ZDHHC7: variants seen among roughly 807,000 people sequenced by gnomAD.
ZDHHC7 encodes zDHHC palmitoyltransferase 7.
A neutral mutation model predicts 34.1 loss-of-function variants in ZDHHC7; 12 were observed. That is an observed-to-expected ratio of 0.35 (90% CI 0.23 to 0.57). The LOEUF is 0.57. ZDHHC7 is among the 20% of genes least tolerant of loss of function. ZDHHC7 has a pLI of 0.84. For synonymous variants in ZDHHC7, 185 were observed against 155.4 expected, an observed-to-expected ratio of 1.19 and a Z score of -1.42; for missense variants, 388 against 402.7, an observed-to-expected ratio of 0.96 and a Z score of 0.31.
intron 2 of ZDHHC7, among the ~76,000 whole-genome samples, chr16:84,992,252 G>A (rs552907615): frequency 4.6e-5 from 7 of 152,000 alleles, no homozygotes; most frequent in African/African-American, 9.6e-5. Context: ...GGTGGATCAC[G>A]AGGTTACAAG....
chr16:84,992,240 C>T (rs1396706019), intron 2 of ZDHHC7, among the ~76,000 whole-genome samples: 2 of 151,966 alleles, frequency 1.3e-5, no homozygotes, highest in Admixed American at 1.3e-4. Context: ...GAGGCAGAGG[C>T]CGGTGGATCA....
upstream of ZDHHC7, among the ~76,000 whole-genome samples, chr16:85,013,163 T>C (rs142047247): frequency 0.023 from 3,516 of 152,202 alleles, 143 homozygotes; most frequent in African/African-American, 0.081. Context: ...TATAAACCTT[T>C]CCATAGTTTG....
chr16:84,997,220 G>A (rs2072590580), intron 1 of ZDHHC7, among the ~76,000 whole-genome samples: 1 of 150,940 alleles, frequency 6.6e-6, no homozygotes. Context: ...AGAACTTCCT[G>A]GTTATTCTAC....
At chr16:85,020,138 T>C in the ZDHHC7 span, among the ~76,000 whole-genome samples, 8 of 152,194 alleles carry the variant, frequency 5.3e-5, no homozygotes, top group Non-Finnish European at 1.5e-5. Flanking sequence ...CAAGCCAGCC[T>C]CCTCGAGGGC....
At chr16:85,013,561 C>G (rs1011685086), upstream of ZDHHC7, among the ~76,000 whole-genome samples, 3 of 151,814 alleles carry the variant, frequency 2.0e-5, no homozygotes, top group African/African-American at 7.3e-5. Flanking sequence ...TATTCTTTGT[C>G]GAAGGTACTA....
intron 1 of ZDHHC7, among the ~76,000 whole-genome samples, chr16:85,007,883 G>A (rs901812700): frequency 6.6e-6 from 1 of 152,048 alleles, no homozygotes; most frequent in African/African-American, 2.4e-5. Flanking sequence ...ATGCCTCCGG[G>A]CGGCCAAGGC....
Position 85,003,939 on chromosome 16 carries a change from G to A in ZDHHC7, c.-104+7347C>T, listed in dbSNP as rs542918976. 1.2e-4 allele frequency among the ~76,000 whole-genome samples: 19 copies of A among 152,214 alleles called. 1 individual carries two copies. The highest frequency in any genetic ancestry group is 8.5e-4 in the Admixed American group (13 of 15,284). On this transcript the variant is annotated intron_variant, in intron 1 of 7. Coordinates refer to ENST00000313732, the MANE Select transcript of ZDHHC7 (RefSeq NM_017740.3). The stretch of plus-strand genomic sequence containing the variant: ...CTTCTCCTCCACCCATGTAAACGCC[G>A]GGAGCACCCGGGCTTAGTCCTCGGC...
chr16:84,991,822 TTTTGCAAGCCATCA>T (rs780959819), intron 2 of ZDHHC7, among the ~76,000 whole-genome samples: 5 of 152,242 alleles, frequency 3.3e-5, no homozygotes, highest in Non-Finnish European at 7.4e-5. Flanking sequence ...TAATCCATTC[TTTTGCAAGCCATCA>T]TTTTGACACT....
the ZDHHC7 span, among the ~76,000 whole-genome samples, chr16:85,026,539 C>A: frequency 2.0e-5 from 3 of 151,672 alleles, no homozygotes; most frequent in Non-Finnish European, 4.4e-5. Context: ...CAGCTTTTTT[C>A]TTCATGTGTT....
chr16:84,990,711 T>C (rs1567498903), intron 2 of ZDHHC7, 76 bp from the exon 3 acceptor site: 1 of 1,271,548 alleles, frequency 7.9e-7, no homozygotes, highest in South Asian at 1.4e-5. Context: ...GTGTTACAGT[T>C]TGTCCTTGGC....
Position 84,976,023 on chromosome 16 carries a change from C to A in ZDHHC7, c.*320G>T, listed in dbSNP as rs1438423379. ...CACTGTTTTTCTTCATGATTGGAAA[C>A]AGCAGCTCAGGACCCAGGATTTGAA... On this transcript the variant is annotated 3_prime_UTR_variant, in exon 8 of 8. Transcript: ENST00000313732. 4 of 294,944 alleles carry A rather than the reference C, an allele frequency of 1.4e-5. No individual in the cohort carries two copies. Among genetic ancestry groups the A allele is most frequent in the Non-Finnish European group, 1.9e-5 (3 of 159,308 alleles). The allele number at this position is 294,944 out of a possible 1,614,324, so 18.3% of individuals were successfully genotyped here. A position where few individuals can be genotyped will look rare whatever the true frequency, so the allele number is the denominator to read the frequency against.
intron 3 of ZDHHC7, among the ~76,000 whole-genome samples, chr16:84,984,147 G>C (rs559828105): frequency 1.1e-4 from 16 of 151,712 alleles, no homozygotes; most frequent in South Asian, 6.3e-4. Flanking sequence ...AGCCTACCAA[G>C]TAGCTGGGAT....
rs773457808 is a variant in ZDHHC7 at position 84,990,347 on chromosome 16, A to G, written c.272T>C (p.Val91Ala). Residue 91 changes from valine (V) to alanine (A), a missense_variant, in exon 3 of 8, where the codon GTG becomes GCG. By Grantham distance (64) the Val-to-Ala change is moderately conservative. Transcript: ENST00000313732. ...VNGVIFNCLA[V>A]LALSSHLRTM... Reference sequence around the variant, plus strand: ...TCTCAGGTGGGATGACAGGGCAAGCACGGCCAAGCAGTTAAAGATGACCCC... The same window carrying G: ...TCTCAGGTGGGATGACAGGGCAAGCGCGGCCAAGCAGTTAAAGATGACCCC... 2 of 1,614,136 alleles carry G rather than the reference A, an allele frequency of 1.2e-6. No individual in the cohort carries two copies. The highest frequency in any genetic ancestry group is 2.2e-5 in the South Asian group (2 of 91,082).
At position 85,011,467 on chromosome 16, in the gene ZDHHC7, G is replaced by C. The variant is rs2072791377; in HGVS notation, c.-285C>G. On this transcript the variant is annotated 5_prime_UTR_variant, in exon 1 of 8. Coordinates refer to ENST00000313732, the MANE Select transcript of ZDHHC7 (RefSeq NM_017740.3). ...GTCCCGCCGGGCAGGTCGGAAGGAG[G>C]CTGCAGCCAAGCAAATGCCTCAGCC... The C allele has an allele frequency of 6.6e-6, 1 of 152,328 alleles. No homozygotes were observed. The highest frequency in any genetic ancestry group is 2.0e-4 in the South Asian group (1 of 4,890). 9.4% of individuals were successfully genotyped at this position (152,328 alleles called of 1,614,324 possible).
In ZDHHC7 at chr16:84,996,002, T is replaced by C. The variant is rs2143678358; in HGVS notation, c.-98A>G. ...TTAAGGTGCATACTGTCCTATGTGATCGGATCTGAAAGGTAATAAAATCTG... is the reference window on the plus strand; with the variant it reads ...TTAAGGTGCATACTGTCCTATGTGACCGGATCTGAAAGGTAATAAAATCTG... On this transcript the variant is annotated 5_prime_UTR_variant, in exon 2 of 8. Coordinates refer to ENST00000313732, the MANE Select transcript of ZDHHC7 (RefSeq NM_017740.3). 6.6e-6 allele frequency: 1 copy of C among 152,372 alleles called. No homozygotes were observed. The highest frequency in any genetic ancestry group is 1.9e-4 in the East Asian group (1 of 5,190). The allele number at this position is 152,372 out of a possible 1,614,324, so 9.4% of individuals were successfully genotyped here. A position where few individuals can be genotyped will look rare whatever the true frequency, so the allele number is the denominator to read the frequency against.
At chr16:85,012,526 G>T (rs569747271), upstream of ZDHHC7, among the ~76,000 whole-genome samples, 24 of 151,910 alleles carry the variant, frequency 1.6e-4, no homozygotes, top group Admixed American at 4.6e-4. Flanking sequence ...ATAGCTTAAA[G>T]ACAAAAGTAA....
chr16:85,007,874 T>C (rs1039068618), intron 1 of ZDHHC7, among the ~76,000 whole-genome samples: 5 of 151,966 alleles, frequency 3.3e-5, no homozygotes, highest in Non-Finnish European at 4.4e-5. Flanking sequence ...CAGTATAACA[T>C]GCCTCCGGGC....
At chr16:84,996,809 A>G (rs1286980799) in intron 1 of ZDHHC7, among the ~76,000 whole-genome samples, 1 of 152,110 alleles carries the variant, frequency 6.6e-6, no homozygotes, top group Non-Finnish European at 1.5e-5. Context: ...CGGGTGGATC[A>G]TGAGGTCAGA....
upstream of ZDHHC7, among the ~76,000 whole-genome samples, chr16:85,015,740 G>A (rs2143784549): frequency 6.6e-6 from 1 of 152,102 alleles, no homozygotes; most frequent in East Asian, 1.9e-4. Flanking sequence ...AGCTCCTCAA[G>A]GGGGTTGAAG....
Sources: allele counts gnomAD v4.1 joint callset (sites outside exome capture counted in the v4.1 genomes callset), GRCh38; gene constraint gnomAD v4.1.1; transcripts MANE v1.5; gene names NCBI Gene and HGNC (gene_info 2026-07-23, HGNC 2026-07-21).